Variants in VPS13D observed in about 807,000 individuals in gnomAD.
The protein encoded by VPS13D is intermembrane lipid transfer protein VPS13D.
A neutral mutation model predicts 461.9 loss-of-function variants in VPS13D; 187 were observed. The ratio of observed to expected loss-of-function variants is 0.40; its 90% CI spans 0.36 to 0.46. The LOEUF is 0.46. VPS13D is among the 20% of genes least tolerant of loss of function. The probability of loss-of-function intolerance (pLI) is 0.60; values close to 1 mark genes in which losing one functional copy is unlikely to be tolerated. For synonymous variants in VPS13D, 1,951 were observed against 1,986.3 expected (o/e 0.98, Z 0.47); for missense variants, 4,711 against 5,364.9 (o/e 0.88, Z 3.81).
At chr1:12,328,605 A>G (rs1161036473) in intron 36 of VPS13D, among the ~76,000 whole-genome samples, 1 of 151,874 alleles carries the variant, frequency 6.6e-6, no homozygotes, top group Admixed American at 6.6e-5. Flanking sequence ...CAGTGGTGCA[A>G]TCTCGGCTCA....
Position 12,283,626 on chromosome 1 carries a change from C to T in VPS13D, c.5524C>T (p.His1842Tyr), listed in dbSNP as rs1459554543. The T allele has an allele frequency of 1.9e-6, 3 of 1,614,176 alleles. No individual in the cohort carries two copies. The highest frequency in any genetic ancestry group is 1.1e-5 in the South Asian group (1 of 91,084). The change falls in exon 21 of 70, where the codon CAC (histidine) becomes TAC (tyrosine). Residue 1842 changes from histidine (H) to tyrosine (Y), a missense_variant. Around this residue, in one of 3 missense-constraint regions of VPS13D, gnomAD observed 4,411 missense variants for 4,937.8 expected, o/e 0.89. Coordinates refer to ENST00000620676, the MANE Select transcript of VPS13D (RefSeq NM_015378.4). Reference sequence around the variant, plus strand: ...TGGAATCGGCTCCACTGCAGACAACCACGCAATGAGGCTGCCTCCTGAGGG... The same window carrying T: ...TGGAATCGGCTCCACTGCAGACAACTACGCAATGAGGCTGCCTCCTGAGGG... Reference protein sequence around the residue: ...FFGIGSTADNHAMRLPPEGIL... With the variant: ...FFGIGSTADNYAMRLPPEGIL...
In VPS13D at chr1:12,282,973, T is replaced by C. The variant is rs41279454; in HGVS notation, c.4871T>C (p.Ile1624Thr). Residue 1624 changes from isoleucine (I) to threonine (T), a missense_variant, in exon 21 of 70, where the codon ATA becomes ACA. Coordinates refer to ENST00000620676, the MANE Select transcript of VPS13D (RefSeq NM_015378.4). ...ACTCAGATTCAAGCCACCTTTTGTATATCAGAGCTTCAGGTTCAGCTAAGT... is the reference window on the plus strand; with the variant it reads ...ACTCAGATTCAAGCCACCTTTTGTACATCAGAGCTTCAGGTTCAGCTAAGT... The part of the protein sequence containing the change: ...SFTQIQATFC[I>T]SELQVQLSGD... The C allele has an allele frequency of 7.5e-5, 121 of 1,614,202 alleles. No homozygotes were observed. Among genetic ancestry groups the C allele is most frequent in the Non-Finnish European group, 1.0e-4 (120 of 1,180,022 alleles).
intron 60 of VPS13D, among the ~76,000 whole-genome samples, chr1:12,389,327 A>G (rs1027037360): frequency 6.6e-6 from 1 of 152,144 alleles, no homozygotes; most frequent in Non-Finnish European, 1.5e-5. Flanking sequence ...CTTCAATCCA[A>G]TCAAGTTGAC....
intron 62 of VPS13D, chr1:12,402,668 G>T (rs868739859): frequency 3.9e-5 from 6 of 152,182 alleles, no homozygotes; most frequent in Non-Finnish European, 8.8e-5. Context: ...GTGTTTATTT[G>T]TATTCAGACA....
intron 5 of VPS13D, among the ~76,000 whole-genome samples, chr1:12,246,265 T>C (rs1042288400): frequency 1.6e-4 from 24 of 152,174 alleles, no homozygotes; most frequent in African/African-American, 5.8e-4. Context: ...TTACCCTTCC[T>C]GATGATTACA....
In VPS13D at chr1:12,333,509, CT is replaced by C. The variant is rs1453434701; in HGVS notation, c.8428+144del. On this transcript the variant is annotated intron_variant, in intron 38 of 69. Coordinates refer to ENST00000620676, the MANE Select transcript of VPS13D (RefSeq NM_015378.4). ...ATCCTGACTGCTTTCCTGATCAACC[CT>C]AATAGCCTCTTGATTCTCAACCTGT... is the stretch of plus-strand genomic sequence containing the variant. 1.8e-5 allele frequency: 18 copies of C among 977,648 alleles called. No homozygotes were observed. In the African/African-American group the frequency reaches 3.0e-4, roughly 16 times the overall value. The allele number at this position is 977,648 out of a possible 1,614,324, so 60.6% of individuals were successfully genotyped here.
chr1:12,262,707 C>CT (rs1466311010), intron 13 of VPS13D, among the ~76,000 whole-genome samples: 1,785 of 143,328 alleles, frequency 0.012, 25 homozygotes, highest in East Asian at 0.034. Context: ...TATTTTCTTT[C>CT]TTTTTTTTTT....
chr1:12,285,929 CTTCCTTTCCTTTCCTTTCCT>C (rs57335089), intron 21 of VPS13D, among the ~76,000 whole-genome samples: 1,151 of 104,254 alleles, frequency 0.011, 17 homozygotes, highest in East Asian at 0.032. Context: ...GAATTTCTTT[CTTCCTTTCCTTTCCTTTCCT>C]TTCCTTTCCT....
chr1:12,257,918 G>A lies in VPS13D; in HGVS notation c.942-17G>A, dbSNP rs773494222. 6.8e-6 allele frequency: 11 copies of A among 1,613,856 alleles called. No homozygotes were observed. Among genetic ancestry groups the A allele is most frequent in the Middle Eastern group, 1.6e-4 (1 of 6,080 alleles). On this transcript the variant is annotated splice_polypyrimidine_tract_variant and intron_variant, in intron 9 of 69. Transcript: ENST00000620676. ...TTTTGTTGTAAGAAGTGATTACATC[G>A]TTATGGACTATTTCAGCTGCCGAGA...
At chr1:12,387,147 C>T (rs1644360496) in intron 60 of VPS13D, among the ~76,000 whole-genome samples, 1 of 152,164 alleles carries the variant, frequency 6.6e-6, no homozygotes, top group Non-Finnish European at 1.5e-5. Flanking sequence ...CTTGTGCCCA[C>T]CAGCTGGACT....
Position 12,322,683 on chromosome 1 carries a change from G to C in VPS13D, c.7852G>C (p.Gly2618Arg), listed in dbSNP as rs148705408. The C allele has an allele frequency of 3.7e-6, 6 of 1,614,076 alleles. No homozygotes were observed. Among genetic ancestry groups the C allele is most frequent in the African/African-American group, 1.3e-5 (1 of 74,928 alleles). ...ESDSVGTYLP[G>R]ASRVGEEIRE... Reference sequence around the variant, plus strand: ...AGACTCCGTTGGCACTTACCTTCCAGGTGCATCTCGCGTTGGAGAGGAAAT... The same window carrying C: ...AGACTCCGTTGGCACTTACCTTCCACGTGCATCTCGCGTTGGAGAGGAAAT... The change falls in exon 34 of 70, where the codon GGT (glycine) becomes CGT (arginine). Residue 2618 changes from glycine (G) to arginine (R), a missense_variant. Physicochemically the swap from Gly to Arg is moderately radical, Grantham distance 125. Around this residue, in one of 3 missense-constraint regions of VPS13D, gnomAD observed 4,411 missense variants for 4,937.8 expected, o/e 0.89. Transcript: ENST00000620676.
intron 46 of VPS13D, among the ~76,000 whole-genome samples, chr1:12,350,495 A>G (rs533134733): frequency 2.6e-5 from 4 of 152,342 alleles, no homozygotes; most frequent in South Asian, 4.1e-4. Context: ...AAAGGCAGAC[A>G]TGTTTAAATA....
chr1:12,402,014 A>G (rs577823771), intron 62 of VPS13D, among the ~76,000 whole-genome samples: 7 of 152,346 alleles, frequency 4.6e-5, no homozygotes, highest in African/African-American at 1.7e-4. Flanking sequence ...CATCTGCTCT[A>G]GGATGACAGA....
intron 21 of VPS13D, among the ~76,000 whole-genome samples, chr1:12,286,851 GT>G (rs1489573370): frequency 6.6e-6 from 1 of 152,048 alleles, no homozygotes; most frequent in African/African-American, 2.4e-5. Flanking sequence ...ATGACTAGAG[GT>G]TTTCATTATT....
At chr1:12,388,807 C>T (rs1322363418) in intron 60 of VPS13D, among the ~76,000 whole-genome samples, 1 of 151,884 alleles carries the variant, frequency 6.6e-6, no homozygotes, top group Non-Finnish European at 1.5e-5. Context: ...CTACAAGAAA[C>T]ACACATTAAG....
At position 12,345,495 on chromosome 1, in the gene VPS13D, T is replaced by C. The variant is rs1390711631; in HGVS notation, c.9007T>C (p.Ser3003Pro). 2.5e-6 allele frequency: 4 copies of C among 1,613,096 alleles called. 1 individual carries two copies. The highest frequency in any genetic ancestry group is 1.1e-5 in the South Asian group (1 of 91,008). ...TCGATATGCAGCACCAGATAAAAAT[T>C]CATCTTCCTCTACGGTGTGTGACAT... ...FFRYAAPDKNSSSSTIGSPSS... is the reference protein window; with the variant it reads ...FFRYAAPDKNPSSSTIGSPSS... The change falls in exon 43 of 70, where the codon TCA becomes CCA. Residue 3003 changes from serine (S) to proline (P), a missense_variant. Physicochemically the swap from Ser to Pro is moderately conservative, Grantham distance 74. Around this residue, in one of 3 missense-constraint regions of VPS13D, gnomAD observed 4,411 missense variants for 4,937.8 expected, o/e 0.89. Transcript: ENST00000620676.
intron 64 of VPS13D, 139 bp from the exon 65 acceptor site, chr1:12,416,521 T>A (rs575334777): frequency 3.3e-6 from 3 of 900,692 alleles, no homozygotes; most frequent in Non-Finnish European, 4.9e-6. Context: ...TGATGAAGAT[T>A]AAAAGCTTTT....
rs1467830296 is a variant in VPS13D at position 12,341,760 on chromosome 1, CCTT to C, written c.8627-14_8627-12del. On this transcript the variant is annotated splice_polypyrimidine_tract_variant and intron_variant, in intron 40 of 69. Coordinates refer to ENST00000620676, the MANE Select transcript of VPS13D (RefSeq NM_015378.4). ...TGCAGATAGGGGCGTCTGCTCATAG[CCTT>C]CTTCTGTTTGTCGTAGCAGAGGTGA... 4 of 1,611,032 alleles carry C rather than the reference CCTT, an allele frequency of 2.5e-6. No individual in the cohort carries two copies. The highest frequency in any genetic ancestry group is 3.4e-6 in the Non-Finnish European group (4 of 1,177,550).
Position 12,304,632 on chromosome 1 carries a change from C to G in VPS13D, c.6343C>G (p.Leu2115Val). The G allele has an allele frequency of 6.2e-7, 1 of 1,614,060 alleles. No homozygotes were observed. Among genetic ancestry groups the G allele is most frequent in the Non-Finnish European group, 8.5e-7 (1 of 1,180,006 alleles). ...QFTMPLAGMSLGSLKSEFVPS... is the reference protein window; with the variant it reads ...QFTMPLAGMSVGSLKSEFVPS... ...CACGATGCCTCTTGCTGGAATGAGC[C>G]TAGGAAGCCTGAAGAGTGAGTTTGT... The change falls in exon 26 of 70, where the codon CTA becomes GTA. Residue 2115 changes from leucine (L) to valine (V), a missense_variant. This residue lies in a region of VPS13D where 4,411 missense variants were observed against 4,937.8 expected (regional missense o/e 0.89). Coordinates refer to ENST00000620676, the MANE Select transcript of VPS13D (RefSeq NM_015378.4).
Sources: gnomAD v4.1 joint callset for allele counts (sites outside exome capture counted in the v4.1 genomes callset) on GRCh38, gnomAD v4.1.1 for gene constraint, gnomAD v4.1.1 regional missense constraint, MANE v1.5 for transcripts, NCBI Gene and HGNC (gene_info 2026-07-23, HGNC 2026-07-21) for gene names.